The following NAV2 variants were observed in gnomAD, a reference collection of about 807,000 sequenced individuals.
The protein encoded by NAV2 is helicase, APC down-regulated 1.
A neutral mutation model predicts 223.2 loss-of-function variants in NAV2; 54 were observed. The ratio of observed to expected loss-of-function variants is 0.24; its 90% CI spans 0.19 to 0.30. NAV2 has a LOEUF of 0.30. NAV2 is among the 10% of genes least tolerant of loss of function. The pLI, the probability that NAV2 is intolerant of heterozygous loss-of-function variation, is 1.00. For synonymous variants in NAV2, 1,279 were observed against 1,239.3 expected, an observed-to-expected ratio of 1.03 and a Z score of -0.67; for missense variants, 2,806 against 3,147.5, an observed-to-expected ratio of 0.89 and a Z score of 2.60.
At position 19,934,201 on chromosome 11, in the gene NAV2, G is replaced by C. The variant is rs141668055; in HGVS notation, c.1957G>C (p.Val653Leu). The C allele has an allele frequency of 6.2e-7, 1 of 1,613,674 alleles. No individual in the cohort carries two copies. The highest frequency in any genetic ancestry group is 8.5e-7 in the Non-Finnish European group (1 of 1,179,880). The stretch of plus-strand genomic sequence containing the variant: ...CACCCAGACCACAGGAAGCAATACC[G>C]TCAGTGTTCAGCTACCTCAGCCCCA... ...GTTQTTGSNTVSVQLPQPQQQ... is the reference protein window; with the variant it reads ...GTTQTTGSNTLSVQLPQPQQQ... The change falls in exon 7 of 38, where the codon GTC (valine) becomes CTC (leucine). Residue 653 changes from valine (V) to leucine (L), a missense_variant. Val to Leu is a conservative substitution (Grantham distance 32, BLOSUM62 1). Around this residue, in one of 4 missense-constraint regions of NAV2, gnomAD observed 1,167 missense variants for 1,180.5 expected, o/e 0.99. Coordinates refer to ENST00000349880, the MANE Select transcript of NAV2 (RefSeq NM_145117.5).
At chr11:19,866,328 C>T (rs146989965) in intron 3 of NAV2, among the ~76,000 whole-genome samples, 212 of 152,320 alleles carry the variant, frequency 1.4e-3, no homozygotes, top group Non-Finnish European at 2.5e-3. Flanking sequence ...CAGCCCCAAA[C>T]GCTGCCAGAC....
At chr11:20,069,058 A>C (rs1460854305) in intron 22 of NAV2, among the ~76,000 whole-genome samples, 1 of 151,990 alleles carries the variant, frequency 6.6e-6, no homozygotes, top group African/African-American at 2.4e-5. Flanking sequence ...GGGAGCACCT[A>C]GCTCACTCTT....
Position 19,578,026 on chromosome 11 carries a change from A to T in NAV2, c.75+226999A>T, listed in dbSNP as rs188353391. Among the ~76,000 whole-genome samples, 165 of 152,300 alleles carry T rather than the reference A, an allele frequency of 1.1e-3. 2 individuals are homozygous for T. Among genetic ancestry groups the T allele is most frequent in the Admixed American group, 4.6e-3 (70 of 15,300 alleles). On this transcript the variant is annotated intron_variant, in intron 1 of 37. Transcript: ENST00000360655. ...TCCAGAGCATTTTCTGCTTCCAAAC[A>T]CACATCTATTTTACAATAAGACAAA...
intron 2 of NAV2, among the ~76,000 whole-genome samples, chr11:19,834,030 C>G (rs1056466211): frequency 2.0e-5 from 3 of 152,092 alleles, no homozygotes; most frequent in Admixed American, 2.0e-4. Flanking sequence ...ATCTTACCAG[C>G]TTTGCAATAG....
At chr11:19,390,537 C>G (rs972085176) in intron 1 of NAV2, among the ~76,000 whole-genome samples, 2 of 152,116 alleles carry the variant, frequency 1.3e-5, no homozygotes, top group African/African-American at 4.8e-5. Context: ...AAGCAATAAA[C>G]AAGTAAGATA....
intron 1 of NAV2, among the ~76,000 whole-genome samples, chr11:19,605,297 T>A (rs2046446710): frequency 6.6e-6 from 1 of 152,062 alleles, no homozygotes. Flanking sequence ...ATCTAGATCT[T>A]TTGGTTTTGG....
At chr11:19,776,606 GTGGT>G (rs1473343812) in intron 1 of NAV2, among the ~76,000 whole-genome samples, 3 of 111,038 alleles carry the variant, frequency 2.7e-5, no homozygotes, top group Non-Finnish European at 4.2e-5. Flanking sequence ...GTGTGTGTGT[GTGGT>G]TAGAGTTGTG....
At position 20,086,034 on chromosome 11, in the gene NAV2, C is replaced by T. The variant is rs149587193; in HGVS notation, c.5498+2855C>T. On this transcript the variant is annotated intron_variant, in intron 26 of 37. Coordinates refer to ENST00000349880, the MANE Select transcript of NAV2 (RefSeq NM_145117.5). ...AAGGAGCCTGATGTAGAAACAGGTTCGATATGTCTGAAAGAGAGAGGGATG... is the reference window on the plus strand; with the variant it reads ...AAGGAGCCTGATGTAGAAACAGGTTTGATATGTCTGAAAGAGAGAGGGATG... Among the ~76,000 whole-genome samples, 65 of 152,222 alleles carry T rather than the reference C, an allele frequency of 4.3e-4. No homozygotes were observed. The East Asian group carries it at 0.01, about 24-fold the overall frequency.
At chr11:20,102,202 G>T (rs892056975) in intron 32 of NAV2, among the ~76,000 whole-genome samples, 7 of 152,294 alleles carry the variant, frequency 4.6e-5, no homozygotes, top group Admixed American at 3.3e-4. Flanking sequence ...GGGGCCCAGA[G>T]ATCACGGTGA....
intron 1 of NAV2, among the ~76,000 whole-genome samples, chr11:19,735,035 T>C (rs1365869397): frequency 6.6e-6 from 1 of 152,232 alleles, no homozygotes; most frequent in African/African-American, 2.4e-5. Flanking sequence ...TTCTCGACTC[T>C]TAGTTTTCTC....
chr11:19,685,669 T>A (rs1317852863), intron 1 of NAV2, among the ~76,000 whole-genome samples: 1 of 152,186 alleles, frequency 6.6e-6, no homozygotes, highest in African/African-American at 2.4e-5. Context: ...GCAACAGGAA[T>A]TGCAGCTGAA....
At chr11:19,398,064 T>A (rs1242136528) in intron 1 of NAV2, among the ~76,000 whole-genome samples, 2 of 152,126 alleles carry the variant, frequency 1.3e-5, no homozygotes, top group Non-Finnish European at 2.9e-5. Context: ...ATTCTTGCAT[T>A]GCTATAAAGA....
intron 11 of NAV2, chr11:20,022,931 TTCCTG>T: frequency 3.7e-6 from 5 of 1,344,520 alleles, no homozygotes; most frequent in Non-Finnish European, 4.9e-6. Context: ...TCGGATTTCT[TTCCTG>T]GCCTGGGGAA....
At chr11:19,370,032 G>A (rs141905100) in intron 1 of NAV2, among the ~76,000 whole-genome samples, 1 of 152,246 alleles carries the variant, frequency 6.6e-6, no homozygotes, top group Non-Finnish European at 1.5e-5. Flanking sequence ...GCATGTGTTT[G>A]GTTTGGGCAG....
intron 12 of NAV2, among the ~76,000 whole-genome samples, chr11:20,038,701 G>A (rs1247194353): frequency 1.3e-5 from 2 of 152,182 alleles, no homozygotes; most frequent in Admixed American, 6.5e-5. Context: ...GTTTACCCTG[G>A]AACAGGTGGG....
intron 1 of NAV2, among the ~76,000 whole-genome samples, chr11:19,562,449 CTCTT>C (rs1428122577): frequency 5.3e-5 from 8 of 152,176 alleles, no homozygotes; most frequent in Admixed American, 5.2e-4. Context: ...AATAAACTCT[CTCTT>C]TGAGACATGG....
At position 20,118,381 on chromosome 11, in the gene NAV2, C is replaced by A; in HGVS notation, c.*123C>A. On this transcript the variant is annotated 3_prime_UTR_variant, in exon 38 of 38. Transcript: ENST00000349880. ...CCACAGCCTTAGAGCTGCGGGAACA[C>A]CGAGACCCCCCGTCCTTCAGCCTCG... 1 of 1,148,254 alleles carries A rather than the reference C, an allele frequency of 8.7e-7. No homozygotes were observed. The highest frequency in any genetic ancestry group is 1.2e-6 in the Non-Finnish European group (1 of 805,372). 71.1% of individuals were successfully genotyped at this position (1,148,254 alleles called of 1,614,324 possible).
chr11:19,801,785 GCTC>G (rs2058280908), intron 1 of NAV2, among the ~76,000 whole-genome samples: 1 of 152,188 alleles, frequency 6.6e-6, no homozygotes, highest in South Asian at 2.1e-4. Context: ...TCACCTGTGA[GCTC>G]CTATTTTTTC....
chr11:19,904,692 A>C (rs532063539), intron 6 of NAV2, among the ~76,000 whole-genome samples: 1 of 152,216 alleles, frequency 6.6e-6, no homozygotes, highest in African/African-American at 2.4e-5. Flanking sequence ...AAGTAAAAAA[A>C]AAATACAGGG....
Sources: allele counts gnomAD v4.1 joint callset (sites outside exome capture counted in the v4.1 genomes callset), GRCh38; gene constraint gnomAD v4.1.1; regional missense constraint gnomAD v4.1.1; transcripts MANE v1.5; gene names NCBI Gene and HGNC (gene_info 2026-07-23, HGNC 2026-07-21).